Variants in OR1S1 observed in about 807,000 individuals in gnomAD.
The protein encoded by OR1S1 is olfactory receptor 1S1.
For missense variants in OR1S1, 411 were observed against 367.5 expected (o/e 1.12, Z -0.97); for synonymous variants, 156 against 143.9 (o/e 1.08, Z -0.60).
chr11:58,215,894 A>G lies in OR1S1; in HGVS notation c.*172A>G. ...CCACTTAGCTCTTGTCTTGGAAACA[A>G]AACCTGTAACTGCCATGGTAAGTCA... On this transcript the variant is annotated 3_prime_UTR_variant, in exon 2 of 2. Transcript: ENST00000641544. 3 of 769,430 alleles carry G rather than the reference A, an allele frequency of 3.9e-6. No individual in the cohort carries two copies. In the South Asian group the frequency reaches 5.6e-5, roughly 14 times the overall value. The allele number at this position is 769,430 out of a possible 1,614,324, so 47.7% of individuals were successfully genotyped here.
chr11:58,213,376 T>G (rs1565107847), intron 1 of OR1S1, among the ~76,000 whole-genome samples: 1 of 152,164 alleles, frequency 6.6e-6, no homozygotes, highest in Non-Finnish European at 1.5e-5. Flanking sequence ...TAAAAATGTT[T>G]AACTGATACT....
intron 1 of OR1S1, among the ~76,000 whole-genome samples, chr11:58,213,058 A>T (rs186929762): frequency 2.6e-5 from 4 of 152,296 alleles, no homozygotes; most frequent in Admixed American, 2.0e-4. Flanking sequence ...TAAGCCAAGC[A>T]TTTCAGGAGG....
At chr11:58,214,532 A>G (rs1402808992) in intron 1 of OR1S1, among the ~76,000 whole-genome samples, 197 bp from the exon 2 acceptor site, 3 of 152,196 alleles carry the variant, frequency 2.0e-5, no homozygotes, top group African/African-American at 7.2e-5. Flanking sequence ...TGGAAAAATC[A>G]CATTCAGAAT....
At chr11:58,215,764 A>G in exon 2 of OR1S1, 1 of 1,580,206 alleles carries the variant, frequency 6.3e-7, no homozygotes, top group Non-Finnish European at 8.6e-7. Flanking sequence ...ATAATCAGAT[A>G]AATGATTCAG....
exon 2 of OR1S1, chr11:58,215,267 C>T (rs1441903836): frequency 1.9e-6 from 3 of 1,613,664 alleles, no homozygotes; most frequent in Non-Finnish European, 2.5e-6. Context: ...ACACACCCTT[C>T]TGCTCATTCA....
At chr11:58,214,463 A>G (rs1852891356) in intron 1 of OR1S1, among the ~76,000 whole-genome samples, 1 of 152,226 alleles carries the variant, frequency 6.6e-6, no homozygotes, top group Non-Finnish European at 1.5e-5. Context: ...TTTAGAATAT[A>G]GGGTATGCCT....
exon 2 of OR1S1, chr11:58,215,230 G>T (rs140821078): frequency 1.2e-6 from 2 of 1,614,012 alleles, no homozygotes; most frequent in Admixed American, 1.7e-5. Flanking sequence ...TCATCTCATG[G>T]TTCCTCAGTA....
At chr11:58,215,558 T>A in exon 2 of OR1S1, 1 of 1,614,164 alleles carries the variant, frequency 6.2e-7, no homozygotes, top group Non-Finnish European at 8.5e-7. Flanking sequence ...TGTAGGCGTG[T>A]ACTTTTTCCC....
At chr11:58,215,294 C>A in exon 2 of OR1S1, 9 of 1,613,326 alleles carry the variant, frequency 5.6e-6, no homozygotes, top group Non-Finnish European at 7.6e-6. Context: ...CTTCTGTAAC[C>A]ACAACACTCT....
chr11:58,214,665 A>T, intron 1 of OR1S1, 64 bp from the exon 2 acceptor site: 1 of 1,257,570 alleles, frequency 8.0e-7, no homozygotes, highest in Non-Finnish European at 1.1e-6. Context: ...TCCACTTAAT[A>T]AGCAGAAGAA....
At chr11:58,215,104 T>C in exon 2 of OR1S1, 5 of 1,614,194 alleles carry the variant, frequency 3.1e-6, no homozygotes, top group Non-Finnish European at 4.2e-6. Flanking sequence ...CTATTGTGTT[T>C]GTCGTCATTG....
exon 2 of OR1S1, chr11:58,215,952 G>A (rs533568203): frequency 1.6e-4 from 81 of 522,576 alleles, no homozygotes; most frequent in Non-Finnish European, 2.6e-4. Flanking sequence ...AGAGTAGATT[G>A]GTGGTTACCA....
chr11:58,215,514 A>C (rs1852925071), exon 2 of OR1S1: 1 of 1,613,954 alleles, frequency 6.2e-7, no homozygotes, highest in Non-Finnish European at 8.5e-7. Flanking sequence ...TGTGGCTCTC[A>C]CCTGACAGTT....
intron 1 of OR1S1, among the ~76,000 whole-genome samples, chr11:58,213,132 G>A (rs894948525): frequency 1.3e-5 from 2 of 152,222 alleles, no homozygotes; most frequent in Admixed American, 6.5e-5. Context: ...TTTCAGAGAC[G>A]AAGATTGTCT....
rs1233936432 is a variant in OR1S1, at chr11:58,215,044, CA to C, written c.263del (p.Lys88ArgfsTer43). 6.2e-7 allele frequency: 1 copy of C among 1,614,032 alleles called. No individual in the cohort carries two copies. Among genetic ancestry groups the C allele is most frequent in the African/African-American group, 1.3e-5 (1 of 74,908 alleles). On this transcript the variant is annotated frameshift_variant, in exon 2 of 2. Transcript: ENST00000641544. LOFTEE classifies it low-confidence loss of function (END_TRUNC). ...CCAAAATGCTGGTGAATATTCAAAC[CA>C]AGAGTCAATCCATCTCTTATGAGAG... is the stretch of plus-strand genomic sequence containing the variant.
At chr11:58,215,847 C>T in exon 2 of OR1S1, 9 of 1,245,302 alleles carry the variant, frequency 7.2e-6, no homozygotes, top group East Asian at 2.3e-5. Context: ...CTATTCCAAC[C>T]TCTGAAGGGG....
chr11:58,215,843 C>T (rs1852933430), exon 2 of OR1S1: 3 of 1,294,904 alleles, frequency 2.3e-6, no homozygotes, highest in Non-Finnish European at 3.2e-6. Context: ...TCTCCTATTC[C>T]AACCTCTGAA....
At position 58,213,847 on chromosome 11, in the gene OR1S1, C is replaced by G. The variant is rs377441520; in HGVS notation, c.-55-882C>G. 1.2e-4 allele frequency among the ~76,000 whole-genome samples: 19 copies of G among 152,204 alleles called. No homozygotes were observed. The East Asian group carries it at 3.1e-3, about 25-fold the overall frequency. On this transcript the variant is annotated intron_variant, in intron 1 of 1. Transcript: ENST00000641544. ...TGTCCCTGATCTCTTTAAGATCTCT[C>G]TTTCATAAGAGACCCACCTCATGGT...
intron 1 of OR1S1, 56 bp from the exon 2 acceptor site, chr11:58,214,673 G>A (rs1852895661): frequency 7.4e-7 from 1 of 1,357,690 alleles, no homozygotes; most frequent in Admixed American, 1.9e-5. Flanking sequence ...ATAAGCAGAA[G>A]AAACTTTATT....
Sources: allele counts gnomAD v4.1 joint callset (sites outside exome capture counted in the v4.1 genomes callset), GRCh38; gene constraint gnomAD v4.1.1; transcripts MANE v1.5; gene names NCBI Gene and HGNC (gene_info 2026-07-23, HGNC 2026-07-21).